Variants in WWOX observed in about 807,000 individuals in gnomAD.
WWOX encodes the protein WW domain-containing oxidoreductase.
In WWOX, 69 loss-of-function variants were observed where a neutral mutation model predicts 46.2. That is an observed-to-expected ratio of 1.49 (90% CI 1.23 to 1.82). The LOEUF (loss-of-function observed/expected upper bound fraction) is 1.82. WWOX is among the 40% of genes most tolerant of loss of function. The probability of loss-of-function intolerance (pLI) is 0.00; values close to 1 mark genes in which losing one functional copy is unlikely to be tolerated. For synonymous variants in WWOX, 359 were observed against 202.6 expected, an observed-to-expected ratio of 1.77 and a Z score of -6.56; for missense variants, 919 against 542.6, an observed-to-expected ratio of 1.69 and a Z score of -6.89.
Position 78,492,147 on chromosome 16 carries a change from G to C in WWOX, c.1056+59395G>C, listed in dbSNP as rs902515615. On this transcript the variant is annotated intron_variant, in intron 8 of 8. Transcript: ENST00000566780. The stretch of plus-strand genomic sequence containing the variant: ...AGTAAATGAGCAACCTGGAAGATGA[G>C]TGGCGTTTCCACACACAGGGAAGCA... Among the ~76,000 whole-genome samples the C allele has an allele frequency of 2.6e-5, 4 of 152,314 alleles. No individual in the cohort carries two copies. The East Asian group carries it at 7.7e-4, about 29-fold the overall frequency.
chr16:79,160,019 T>A (rs1443347298), intron 8 of WWOX, among the ~76,000 whole-genome samples: 1 of 152,234 alleles, frequency 6.6e-6, no homozygotes, highest in Non-Finnish European at 1.5e-5. Flanking sequence ...TATTTCTGAC[T>A]GCAAAATTCC....
chr16:78,450,552 A>G (rs752353166), intron 8 of WWOX, among the ~76,000 whole-genome samples: 3 of 152,242 alleles, frequency 2.0e-5, no homozygotes, highest in East Asian at 3.8e-4. Flanking sequence ...TGAGACCTGC[A>G]TAATGTTTTC....
chr16:78,642,397 G>T (rs1161188377), intron 8 of WWOX, among the ~76,000 whole-genome samples: 3 of 152,104 alleles, frequency 2.0e-5, no homozygotes, highest in Non-Finnish European at 4.4e-5. Context: ...TTTGCTCAAA[G>T]TCTCTCTCCT....
intron 5 of WWOX, among the ~76,000 whole-genome samples, chr16:78,280,248 G>A (rs367835348): frequency 2.0e-4 from 31 of 152,310 alleles, no homozygotes; most frequent in African/African-American, 7.2e-4. Context: ...AGAATTGCAT[G>A]TCCATTGGCA....
chr16:79,156,721 A>C (rs1597429181), intron 8 of WWOX, among the ~76,000 whole-genome samples: 1 of 150,080 alleles, frequency 6.7e-6, no homozygotes, highest in South Asian at 2.2e-4. Context: ...CAAATTTAAG[A>C]GGGGGGTGGG....
intron 8 of WWOX, among the ~76,000 whole-genome samples, chr16:79,163,671 G>A (rs1260608475): frequency 1.3e-5 from 2 of 151,934 alleles, no homozygotes; most frequent in East Asian, 3.9e-4. Context: ...AGTGGTGCAT[G>A]CCTGTAATCC....
intron 8 of WWOX, among the ~76,000 whole-genome samples, chr16:78,643,556 C>T (rs1166049105): frequency 1.3e-5 from 2 of 152,168 alleles, no homozygotes; most frequent in Admixed American, 6.5e-5. Flanking sequence ...ATTAGCACTC[C>T]CCAGAGCCTT....
At chr16:78,837,809 A>G (rs948894806) in intron 8 of WWOX, among the ~76,000 whole-genome samples, 4 of 152,208 alleles carry the variant, frequency 2.6e-5, no homozygotes, top group Non-Finnish European at 5.9e-5. Context: ...TAGGAGTCTT[A>G]TATTTATTAT....
chr16:78,106,634 G>A (rs971985945), intron 1 of WWOX, among the ~76,000 whole-genome samples: 6 of 151,844 alleles, frequency 4.0e-5, no homozygotes, highest in African/African-American at 7.3e-5. Context: ...CAGGCTGGTC[G>A]CGAACTCCTG....
chr16:78,803,518 C>G (rs1488863954), intron 8 of WWOX, among the ~76,000 whole-genome samples: 1 of 152,160 alleles, frequency 6.6e-6, no homozygotes, highest in Non-Finnish European at 1.5e-5. Context: ...GCGATCACAG[C>G]TTTCTGCAGC....
At chr16:78,588,770 A>T (rs1461263717) in intron 8 of WWOX, among the ~76,000 whole-genome samples, 1 of 152,130 alleles carries the variant, frequency 6.6e-6, no homozygotes, top group African/African-American at 2.4e-5. Context: ...TGTACCAAAC[A>T]CTTAGCATAT....
intron 8 of WWOX, among the ~76,000 whole-genome samples, chr16:78,812,251 C>T (rs1348587582): frequency 3.3e-5 from 5 of 152,066 alleles, no homozygotes; most frequent in Non-Finnish European, 7.4e-5. Context: ...TAGGATAATG[C>T]CCCATTCTGT....
intron 8 of WWOX, among the ~76,000 whole-genome samples, chr16:78,615,753 A>AT (rs57166697): frequency 0.014 from 1,956 of 144,742 alleles, 24 homozygotes; most frequent in African/African-American, 0.038. Context: ...CAATAGGATA[A>AT]TTTTTTTTTT....
At chr16:78,953,635 C>T (rs1223818299) in intron 8 of WWOX, among the ~76,000 whole-genome samples, 1 of 152,176 alleles carries the variant, frequency 6.6e-6, no homozygotes, top group Admixed American at 6.5e-5. Context: ...GGGTACCGTA[C>T]TTCAAAACCT....
intron 8 of WWOX, among the ~76,000 whole-genome samples, chr16:78,581,976 G>A (rs998159837): frequency 6.6e-6 from 1 of 152,176 alleles, no homozygotes; most frequent in Non-Finnish European, 1.5e-5. Flanking sequence ...AATATGTCAG[G>A]TATAACTTGG....
At chr16:78,775,194 G>A (rs180756009) in intron 8 of WWOX, among the ~76,000 whole-genome samples, 1 of 152,220 alleles carries the variant, frequency 6.6e-6, no homozygotes, top group East Asian at 1.9e-4. Context: ...CCTCTCTTCT[G>A]CCTGTTCATT....
rs2081012821 is a variant in WWOX, at chr16:78,341,444, A to G, written c.517-45416A>G. Reference sequence around the variant, plus strand: ...ATAATCCACCATCTTTGTTCCTTTTATTTTTATGTTACTCATTCTTTTAAG... The same window carrying G: ...ATAATCCACCATCTTTGTTCCTTTTGTTTTTATGTTACTCATTCTTTTAAG... On this transcript the variant is annotated intron_variant, in intron 5 of 8. Coordinates refer to ENST00000566780, the MANE Select transcript of WWOX (RefSeq NM_016373.4). Among the ~76,000 whole-genome samples, 2 of 121,096 alleles carry G rather than the reference A, an allele frequency of 1.7e-5. 1 individual carries two copies. Among genetic ancestry groups the G allele is most frequent in the Admixed American group, 1.6e-4 (2 of 12,430 alleles). The allele number at this position is 121,096 out of a possible 152,430, so 79.4% of individuals were successfully genotyped here.
At chr16:78,563,206 A>T (rs1160942982) in intron 8 of WWOX, among the ~76,000 whole-genome samples, 2 of 152,228 alleles carry the variant, frequency 1.3e-5, no homozygotes, top group Non-Finnish European at 2.9e-5. Context: ...CATAATTTAT[A>T]TTGCTGAAAA....
intron 8 of WWOX, among the ~76,000 whole-genome samples, chr16:78,830,593 C>G (rs180707272): frequency 1.5e-3 from 222 of 152,158 alleles, no homozygotes; most frequent in African/African-American, 5.2e-3. Flanking sequence ...TCCAAGGTCA[C>G]TAAATTAAGC....
Sources: gnomAD v4.1 joint callset for allele counts (sites outside exome capture counted in the v4.1 genomes callset) on GRCh38, gnomAD v4.1.1 for gene constraint, MANE v1.5 for transcripts, NCBI Gene and HGNC (gene_info 2026-07-23, HGNC 2026-07-21) for gene names.